MAP1B: variants seen among roughly 807,000 people sequenced by gnomAD.
The protein encoded by MAP1B is microtubule-associated protein 1B.
MAP1B carries 12 observed loss-of-function variants against 176.1 expected under a neutral mutation model. The ratio of observed to expected loss-of-function variants is 0.07; its 90% confidence interval spans 0.04 to 0.11. The LOEUF (loss-of-function observed/expected upper bound fraction) is 0.11. Ranked by LOEUF, MAP1B falls within the 10% of genes least tolerant of loss-of-function variation. MAP1B has a pLI of 1.00. For missense variants in MAP1B, 2,523 were observed against 2,990.5 expected (o/e 0.84, Z 3.65); for synonymous variants, 1,044 against 1,135.0 (o/e 0.92, Z 1.61).
At chr5:72,165,054 G>C (rs1746399262) in intron 2 of MAP1B, among the ~76,000 whole-genome samples, 1 of 151,994 alleles carries the variant, frequency 6.6e-6, no homozygotes, top group African/African-American at 2.4e-5. Flanking sequence ...ACTTTGAAAG[G>C]CTAAAACCAA....
chr5:72,200,791 G>T (rs1016329538), intron 5 of MAP1B, among the ~76,000 whole-genome samples: 3 of 151,944 alleles, frequency 2.0e-5, no homozygotes, highest in Admixed American at 2.0e-4. Context: ...CATCAAGACT[G>T]GATCAACCAG....
chr5:72,180,407 T>C (rs1333438075), intron 2 of MAP1B, among the ~76,000 whole-genome samples: 1 of 152,208 alleles, frequency 6.6e-6, no homozygotes, highest in Non-Finnish European at 1.5e-5. Context: ...AAATCTTTGT[T>C]TCAAGAAGAC....
rs1745551735 is a variant in MAP1B at position 72,122,672 on chromosome 5, A to G, written c.286+6873A>G. Reference sequence around the variant, plus strand: ...TTTTTTTTTTTTAAGAGTGGAAAGGATGTTTTACTCTGCTGACTGTAATGG... The same window carrying G: ...TTTTTTTTTTTTAAGAGTGGAAAGGGTGTTTTACTCTGCTGACTGTAATGG... On this transcript the variant is annotated intron_variant, in intron 2 of 6. Transcript: ENST00000296755. Among the ~76,000 whole-genome samples, 3 of 146,410 alleles carry G rather than the reference A, an allele frequency of 2.0e-5. No individual in the cohort carries two copies. The South Asian group carries it at 6.5e-4, about 32-fold the overall frequency.
intron 2 of MAP1B, among the ~76,000 whole-genome samples, chr5:72,121,913 A>G (rs1184717131): frequency 2.6e-5 from 4 of 152,210 alleles, no homozygotes; most frequent in African/African-American, 9.7e-5. Context: ...ACCCTCAGGG[A>G]ACCTGCAATT....
At chr5:72,182,716 A>G (rs1746797588) in intron 2 of MAP1B, among the ~76,000 whole-genome samples, 1 of 152,112 alleles carries the variant, frequency 6.6e-6, no homozygotes, top group African/African-American at 2.4e-5. Flanking sequence ...CCTCTCTCAG[A>G]TTCTTTTCCA....
rs1392137585 is a variant in MAP1B at position 72,197,668 on chromosome 5, C to T, written c.4313C>T (p.Ser1438Phe). 16 of 1,614,062 alleles carry T rather than the reference C, an allele frequency of 9.9e-6. No individual in the cohort carries two copies. The highest frequency in any genetic ancestry group is 2.2e-5 in the East Asian group (1 of 44,888). The part of the protein sequence containing the change: ...PFEEKSGKQG[S>F]PDQVSPVSEM... Reference sequence around the variant, plus strand: ...GAAGAAAAGAGTGGAAAACAAGGCTCTCCAGACCAAGTAAGTCCAGTTTCT... The same window carrying T: ...GAAGAAAAGAGTGGAAAACAAGGCTTTCCAGACCAAGTAAGTCCAGTTTCT... Residue 1438 changes from serine (S) to phenylalanine (F), a missense_variant, in exon 5 of 7, where the codon TCT becomes TTT. This residue lies in a region of MAP1B where 1,925 missense variants were observed against 2,126.0 expected (regional missense o/e 0.91). Coordinates refer to ENST00000296755, the MANE Select transcript of MAP1B (RefSeq NM_005909.5).
At chr5:72,138,909 G>T (rs1313424922) in intron 2 of MAP1B, among the ~76,000 whole-genome samples, 2 of 152,096 alleles carry the variant, frequency 1.3e-5, no homozygotes, top group Non-Finnish European at 2.9e-5. Context: ...ATCTTTTTCT[G>T]TGTTTTTTAC....
chr5:72,119,987 T>C (rs975912973), intron 2 of MAP1B, among the ~76,000 whole-genome samples: 2 of 152,226 alleles, frequency 1.3e-5, no homozygotes, highest in Non-Finnish European at 2.9e-5. Context: ...TATTTCATTT[T>C]CCGTTGCCAT....
intron 2 of MAP1B, among the ~76,000 whole-genome samples, chr5:72,168,902 A>T (rs1265549965): frequency 1.3e-5 from 2 of 152,222 alleles, no homozygotes; most frequent in African/African-American, 2.4e-5. Flanking sequence ...CATTAATTAA[A>T]TATATGGCCC....
At chr5:72,139,486 T>C (rs1345801237) in intron 2 of MAP1B, among the ~76,000 whole-genome samples, 2 of 152,246 alleles carry the variant, frequency 1.3e-5, no homozygotes, top group African/African-American at 4.8e-5. Context: ...TTTCTAGCCC[T>C]GCAAGGTAAG....
At chr5:72,111,855 C>G (rs926488067) in intron 1 of MAP1B, among the ~76,000 whole-genome samples, 2 of 151,838 alleles carry the variant, frequency 1.3e-5, no homozygotes, top group Admixed American at 6.6e-5. Context: ...TATCTCAGAC[C>G]TAAATTATTT....
At chr5:72,111,193 A>C (rs898807606) in intron 1 of MAP1B, among the ~76,000 whole-genome samples, 1 of 152,208 alleles carries the variant, frequency 6.6e-6, no homozygotes, top group Non-Finnish European at 1.5e-5. Flanking sequence ...ATTTTAATAC[A>C]TAGAGGACAT....
chr5:72,146,959 T>TTA (rs1456791429), intron 2 of MAP1B, among the ~76,000 whole-genome samples: 1 of 150,072 alleles, frequency 6.7e-6, no homozygotes, highest in Non-Finnish European at 1.5e-5. Context: ...TATCCAAATC[T>TTA]TCTTTTTTTT....
At chr5:72,121,044 C>G (rs1014633621) in intron 2 of MAP1B, among the ~76,000 whole-genome samples, 3 of 152,150 alleles carry the variant, frequency 2.0e-5, no homozygotes, top group Admixed American at 6.5e-5. Context: ...TTCTAAGGTC[C>G]TTTGGGCTTG....
chr5:72,160,952 GA>G (rs1376976995), intron 2 of MAP1B, among the ~76,000 whole-genome samples: 2 of 152,208 alleles, frequency 1.3e-5, no homozygotes, highest in African/African-American at 2.4e-5. Flanking sequence ...AGGCTAGAAA[GA>G]CCCCAGAACA....
At chr5:72,129,802 C>G (rs187831908) in intron 2 of MAP1B, among the ~76,000 whole-genome samples, 23 of 152,258 alleles carry the variant, frequency 1.5e-4, no homozygotes, top group African/African-American at 5.5e-4. Context: ...AAACATCTAA[C>G]ATGAGATCAG....
In MAP1B at chr5:72,194,422, T is replaced by C; in HGVS notation, c.1067T>C (p.Val356Ala). 1 of 1,613,916 alleles carries C rather than the reference T, an allele frequency of 6.2e-7. No individual in the cohort carries two copies. Among genetic ancestry groups the C allele is most frequent in the Non-Finnish European group, 8.5e-7 (1 of 1,180,004 alleles). ...AACCTCATCTCCCCTGACTTAGGAG[T>C]TGTATTTCTCAATGTACCTGAAAAT... is the stretch of plus-strand genomic sequence containing the variant. ...MKNLISPDLG[V>A]VFLNVPENLK... is the part of the protein sequence containing the mutation. The change falls in exon 5 of 7, where the codon GTT (valine) becomes GCT (alanine). Residue 356 changes from valine (V) to alanine (A), a missense_variant. Transcript: ENST00000296755. This position sits in a 1 kb window ranked among gnomAD's most constrained non-coding sequence, Gnocchi z 7.2.
intron 3 of MAP1B, 128 bp downstream of exon 3, chr5:72,183,953 G>A (rs998296116): frequency 1.3e-6 from 1 of 753,288 alleles, no homozygotes; most frequent in Non-Finnish European, 2.2e-6. Flanking sequence ...GGGTTAAGAG[G>A]TCTTTCTCAA....
intron 4 of MAP1B, among the ~76,000 whole-genome samples, chr5:72,192,805 C>T (rs1211802641): frequency 6.6e-6 from 1 of 152,190 alleles, no homozygotes; most frequent in East Asian, 1.9e-4. Flanking sequence ...GATTCTCCAT[C>T]ACTAATTTGC....
Sources: gnomAD v4.1 joint callset for allele counts (sites outside exome capture counted in the v4.1 genomes callset) on GRCh38, gnomAD v4.1.1 for gene constraint, gnomAD v4.1.1 regional missense constraint, Gnocchi (gnomAD v3.1) non-coding constraint, MANE v1.5 for transcripts, NCBI Gene and HGNC (gene_info 2026-07-23, HGNC 2026-07-21) for gene names.